The following TOX variants were observed in gnomAD, a reference collection of about 807,000 sequenced individuals.
TOX encodes thymocyte selection-associated high mobility group box protein TOX.
Under a neutral mutation model 53.7 loss-of-function variants are expected in TOX, and 11 were observed. That is an observed-to-expected ratio of 0.20 (90% confidence interval 0.13 to 0.34). The LOEUF is 0.34. Among genes scored for constraint, TOX ranks in the 10% least tolerant of loss-of-function variants. The pLI is 1.00. For missense variants in TOX, 570 were observed against 664.6 expected (o/e 0.86, Z 1.56); for synonymous variants, 225 against 245.3 (o/e 0.92, Z 0.77).
At chr8:58,849,235 G>T (rs911146748) in intron 4 of TOX, among the ~76,000 whole-genome samples, 1 of 152,080 alleles carries the variant, frequency 6.6e-6, no homozygotes, top group Non-Finnish European at 1.5e-5. Flanking sequence ...TCTTGAGATG[G>T]AAAATACACT....
intron 5 of TOX, among the ~76,000 whole-genome samples, chr8:58,827,524 C>A (rs1230370865): frequency 6.6e-6 from 1 of 152,176 alleles, no homozygotes; most frequent in Non-Finnish European, 1.5e-5. Context: ...CATGCATGCC[C>A]TGCCCTGCAG....
At chr8:58,889,883 T>C (rs1269400871) in intron 3 of TOX, among the ~76,000 whole-genome samples, 1 of 152,174 alleles carries the variant, frequency 6.6e-6, no homozygotes, top group African/African-American at 2.4e-5. Context: ...ATGACTAAAG[T>C]GATCTCTTAA....
intron 3 of TOX, among the ~76,000 whole-genome samples, chr8:58,864,671 A>G (rs904739589): frequency 1.7e-4 from 26 of 152,302 alleles, no homozygotes; most frequent in African/African-American, 5.3e-4. Context: ...ATATTGTTTC[A>G]CTTGTCAATC....
At chr8:58,829,465 A>G (rs1331928187) in intron 5 of TOX, among the ~76,000 whole-genome samples, 1 of 152,134 alleles carries the variant, frequency 6.6e-6, no homozygotes, top group African/African-American at 2.4e-5. Flanking sequence ...ATCACGTCAC[A>G]TTACATGGAT....
intron 3 of TOX, among the ~76,000 whole-genome samples, chr8:58,934,833 C>T (rs1411047222): frequency 1.3e-5 from 2 of 152,190 alleles, no homozygotes; most frequent in African/African-American, 4.8e-5. Flanking sequence ...AGCTACTGGT[C>T]TGCGTAATCT....
intron 3 of TOX, among the ~76,000 whole-genome samples, chr8:58,911,638 A>C (rs1239990229): frequency 2.6e-5 from 4 of 152,214 alleles, no homozygotes; most frequent in Non-Finnish European, 2.9e-5. Context: ...TCCGAACTGC[A>C]GTGGAAGATG....
At chr8:58,811,681 A>T (rs1810078373) in intron 7 of TOX, among the ~76,000 whole-genome samples, 1 of 152,232 alleles carries the variant, frequency 6.6e-6, no homozygotes, top group African/African-American at 2.4e-5. Context: ...AGGAAATTGA[A>T]AATCTGTCTG....
Position 58,822,388 on chromosome 8 carries a change from C to G in TOX, c.1005+4434G>C, listed in dbSNP as rs78844111. Among the ~76,000 whole-genome samples, 568 of 152,232 alleles carry G rather than the reference C, an allele frequency of 3.7e-3. 6 individuals are homozygous for G. The highest frequency in any genetic ancestry group is 0.013 in the African/African-American group (542 of 41,570). On this transcript the variant is annotated intron_variant, in intron 6 of 8. Coordinates refer to ENST00000361421, the MANE Select transcript of TOX (RefSeq NM_014729.3). ...CAACTTCCCCCTTTAAATGACAGAG[C>G]CTAAAATTGAACAAGGTATTTTGGA... is the stretch of plus-strand genomic sequence containing the variant.
chr8:58,855,700 T>C (rs1219312732), intron 3 of TOX, among the ~76,000 whole-genome samples: 1 of 152,216 alleles, frequency 6.6e-6, no homozygotes, highest in Non-Finnish European at 1.5e-5. Flanking sequence ...CAATGACATC[T>C]GTCCCCCAAA....
intron 1 of TOX, among the ~76,000 whole-genome samples, chr8:59,037,308 T>C (rs1409065461): frequency 6.6e-6 from 1 of 152,174 alleles, no homozygotes; most frequent in East Asian, 1.9e-4. Flanking sequence ...AAATATATTT[T>C]TGAATTTTGT....
Position 58,832,559 on chromosome 8 carries a change from A to G in TOX, c.924+5522T>C, listed in dbSNP as rs181256453. ...TTATGTAGTGGGTGTCTGAGCACCA[A>G]TGAGGAGGAAATGATTTGATTCTGT... On this transcript the variant is annotated intron_variant, in intron 5 of 8. Transcript: ENST00000361421. Among the ~76,000 whole-genome samples, 20 of 152,200 alleles carry G rather than the reference A, an allele frequency of 1.3e-4. 1 individual carries two copies. Among genetic ancestry groups the G allele is most frequent in the Admixed American group, 6.5e-5 (1 of 15,272 alleles).
intron 1 of TOX, among the ~76,000 whole-genome samples, chr8:58,965,775 G>T (rs189626970): frequency 6.6e-5 from 10 of 151,858 alleles, no homozygotes; most frequent in Admixed American, 1.3e-4. Context: ...ATAACAGGGG[G>T]TCAATTTGAC....
chr8:58,961,599 C>T (rs1329649533), intron 1 of TOX, among the ~76,000 whole-genome samples: 2 of 151,826 alleles, frequency 1.3e-5, no homozygotes. Flanking sequence ...GCGATCGCAG[C>T]TCACTGCAAT....
rs1239628276 is a variant in TOX at position 58,838,256 on chromosome 8, G to T, written c.749C>A (p.Pro250His). The T allele has an allele frequency of 1.2e-6, 2 of 1,613,888 alleles. No individual in the cohort carries two copies. The highest frequency in any genetic ancestry group is 1.7e-6 in the Non-Finnish European group (2 of 1,179,986). The change falls in exon 5 of 9, where the codon CCC becomes CAC. Residue 250 changes from proline (P) to histidine (H), a missense_variant. Pro to His is a moderately conservative substitution (Grantham distance 77). This residue lies in a region of TOX where 282 missense variants were observed against 315.0 expected (regional missense o/e 0.90). Coordinates refer to ENST00000361421, the MANE Select transcript of TOX (RefSeq NM_014729.3). ...GGGATCCTTCTTCTTCTTCTTTTTGGGAGTTTTTGGTTTTTTCCCCATATC... is the reference window on the plus strand; with the variant it reads ...GGGATCCTTCTTCTTCTTCTTTTTGTGAGTTTTTGGTTTTTTCCCCATATC... ...ASDMGKKPKTPKKKKKKDPNE... is the reference protein window; with the variant it reads ...ASDMGKKPKTHKKKKKKDPNE...
At chr8:59,076,005 CAA>C (rs1171417604) in intron 1 of TOX, among the ~76,000 whole-genome samples, 2 of 99,522 alleles carry the variant, frequency 2.0e-5, no homozygotes, top group African/African-American at 5.0e-5. Flanking sequence ...AACTCCATCT[CAA>C]AAAAAAAAAA....
chr8:58,859,913 G>A (rs1810979664), intron 3 of TOX, among the ~76,000 whole-genome samples: 1 of 152,182 alleles, frequency 6.6e-6, no homozygotes, highest in Non-Finnish European at 1.5e-5. Context: ...TTGAAGAGCA[G>A]CAAGCAACAG....
intron 3 of TOX, among the ~76,000 whole-genome samples, chr8:58,928,971 T>C (rs1312284070): frequency 1.3e-5 from 2 of 152,166 alleles, no homozygotes; most frequent in African/African-American, 2.4e-5. Flanking sequence ...ATTAAGATCA[T>C]GATTAAAGAA....
chr8:59,044,478 A>G (rs573699890), intron 1 of TOX, among the ~76,000 whole-genome samples: 1 of 152,322 alleles, frequency 6.6e-6, no homozygotes, highest in Non-Finnish European at 1.5e-5. Flanking sequence ...ACAGGCTACG[A>G]TGATGCCTCC....
intron 5 of TOX, among the ~76,000 whole-genome samples, chr8:58,831,740 C>T (rs77204880): frequency 1.1e-3 from 162 of 152,236 alleles, no homozygotes; most frequent in African/African-American, 3.8e-3. Flanking sequence ...ATAGTAGGTG[C>T]TCATGAAATA....
Sources: allele counts gnomAD v4.1 joint callset (sites outside exome capture counted in the v4.1 genomes callset), GRCh38; gene constraint gnomAD v4.1.1; regional missense constraint gnomAD v4.1.1; transcripts MANE v1.5; gene names NCBI Gene and HGNC (gene_info 2026-07-23, HGNC 2026-07-21).